TUBA3D: variants seen among roughly 807,000 people sequenced by gnomAD.
TUBA3D encodes tubulin alpha-3D chain.
Under a neutral mutation model 36.1 loss-of-function variants are expected in TUBA3D, and 24 were observed. The observed-to-expected ratio is 0.66, with a 90% CI of 0.48 to 0.93. TUBA3D has a LOEUF of 0.93. TUBA3D is among the 40% of genes least tolerant of loss of function. TUBA3D has a pLI of 0.00. For missense variants in TUBA3D, 356 were observed against 614.5 expected (o/e 0.58, Z 4.45); for synonymous variants, 185 against 247.2 (o/e 0.75, Z 2.36).
chr2:131,480,835 G>A, intron 4 of TUBA3D, 86 bp downstream of exon 4: 2 of 1,537,302 alleles, frequency 1.3e-6, no homozygotes, highest in East Asian at 2.3e-5. Context: ...CCTTTGGGGA[G>A]ATTATCCCTG....
At chr2:131,477,698 G>A (rs1406427803) in intron 1 of TUBA3D, among the ~76,000 whole-genome samples, 3 of 151,252 alleles carry the variant, frequency 2.0e-5, no homozygotes, top group Non-Finnish European at 4.4e-5. Flanking sequence ...AATGATGGAC[G>A]GGGTAGAACT....
In TUBA3D at chr2:131,478,298, C is replaced by T. The variant is rs758952130; in HGVS notation, c.138C>T (p.Asp46=). ...GTGATAAAACCATTGGTGGCGGGGA[C>T]GACTCCTTCAACACGTTCTTCAGTG... ...MPSDKTIGGG[D]DSFNTFFSET... The change falls in exon 2 of 5, where the codon GAC becomes GAT. Residue 46 remains aspartate (D), a synonymous_variant. Coordinates refer to ENST00000321253, the MANE Select transcript of TUBA3D (RefSeq NM_080386.4). 4.3e-6 allele frequency: 7 copies of T among 1,614,028 alleles called. No individual in the cohort carries two copies. The highest frequency in any genetic ancestry group is 1.7e-5 in the Admixed American group (1 of 60,022).
chr2:131,478,227 C>G lies in TUBA3D; in HGVS notation c.67C>G (p.Leu23Val). 6.2e-7 allele frequency: 1 copy of G among 1,614,110 alleles called. No individual in the cohort carries two copies. Among genetic ancestry groups the G allele is most frequent in the Non-Finnish European group, 8.5e-7 (1 of 1,179,946 alleles). Reference sequence around the variant, plus strand: ...CCAGATCGGCAATGCCTGCTGGGAACTGTACTGCCTTGAACATGGAATTCA... The same window carrying G: ...CCAGATCGGCAATGCCTGCTGGGAAGTGTACTGCCTTGAACATGGAATTCA... ...GVQIGNACWE[L>V]YCLEHGIQPD... is the part of the protein sequence containing the mutation. The change falls in exon 2 of 5, where the codon CTG (leucine) becomes GTG (valine). Residue 23 changes from leucine to valine, a missense_variant. Leu to Val is a conservative substitution (Grantham distance 32). This residue lies in a region of TUBA3D where 109 missense variants were observed against 153.7 expected (regional missense o/e 0.71). Coordinates refer to ENST00000321253, the MANE Select transcript of TUBA3D (RefSeq NM_080386.4).
At chr2:131,480,949 G>C (rs951739280) in intron 4 of TUBA3D, among the ~76,000 whole-genome samples, 200 bp downstream of exon 4, 3 of 151,912 alleles carry the variant, frequency 2.0e-5, no homozygotes, top group African/African-American at 4.8e-5. Context: ...TGTCAACCAG[G>C]CTGGAGTGCA....
intron 4 of TUBA3D, among the ~76,000 whole-genome samples, chr2:131,481,521 C>T (rs184271728): frequency 8.6e-5 from 13 of 151,562 alleles, no homozygotes; most frequent in Admixed American, 6.6e-5. Flanking sequence ...CTGCAACCTC[C>T]ACCTCCCGGG....
Position 131,480,372 on chromosome 2 carries a change from C to G in TUBA3D, c.679C>G (p.Leu227Val), listed in dbSNP as rs1401156911. 1 of 1,608,446 alleles carries G rather than the reference C, an allele frequency of 6.2e-7. No individual in the cohort carries two copies. The highest frequency in any genetic ancestry group is 1.4e-5 in the African/African-American group (1 of 70,296). Residue 227 changes from leucine (L) to valine (V), a missense_variant, in exon 4 of 5, where the codon CTC becomes GTC. By Grantham distance (32) the Leu-to-Val change is conservative. Around this residue, in one of 3 missense-constraint regions of TUBA3D, gnomAD observed 91 missense variants for 240.9 expected, o/e 0.38. Transcript: ENST00000321253. Reference protein sequence around the residue: ...LDIERPTYTNLNRLIGQIVSS... With the variant: ...LDIERPTYTNVNRLIGQIVSS... Reference sequence around the variant, plus strand: ...CATTGAACGTCCCACGTACACCAACCTCAATCGCCTGATTGGGCAGATCGT... The same window carrying G: ...CATTGAACGTCCCACGTACACCAACGTCAATCGCCTGATTGGGCAGATCGT...
chr2:131,477,761 C>T (rs1678722841), intron 1 of TUBA3D, among the ~76,000 whole-genome samples: 1 of 151,734 alleles, frequency 6.6e-6, no homozygotes, highest in African/African-American at 2.4e-5. Context: ...CCATGGTGAC[C>T]TGGGACCTAC....
intron 1 of TUBA3D, among the ~76,000 whole-genome samples, chr2:131,477,159 T>A (rs1490190255): frequency 6.6e-6 from 1 of 151,782 alleles, no homozygotes; most frequent in East Asian, 1.9e-4. Context: ...CACCTCAGCC[T>A]TCCGAGTAGC....
intron 4 of TUBA3D, among the ~76,000 whole-genome samples, chr2:131,482,019 CA>C (rs1240516367): frequency 6.6e-6 from 1 of 152,246 alleles, no homozygotes; most frequent in Non-Finnish European, 1.5e-5. Flanking sequence ...CCTACTTAGG[CA>C]GGCACATGGA....
chr2:131,476,129 T>A lies in TUBA3D; in HGVS notation c.-71T>A, dbSNP rs922567915. 3.7e-6 allele frequency: 6 copies of A among 1,612,022 alleles called. No homozygotes were observed. The highest frequency in any genetic ancestry group is 5.1e-6 in the Non-Finnish European group (6 of 1,179,400). ...GCGCGCACAGGCAGGAGGTTGCAGT[T>A]GGGCGCTCAGCAGCTGTGGCAGCCG... is the stretch of plus-strand genomic sequence containing the variant. On this transcript the variant is annotated 5_prime_UTR_variant, in exon 1 of 5. Transcript: ENST00000321253.
At chr2:131,477,958 T>C (rs1559346619) in intron 1 of TUBA3D, among the ~76,000 whole-genome samples, 2 of 152,184 alleles carry the variant, frequency 1.3e-5, no homozygotes, top group Non-Finnish European at 2.9e-5. Context: ...TAGGGCTACC[T>C]CTAGAACTTA....
intron 1 of TUBA3D, among the ~76,000 whole-genome samples, chr2:131,477,374 T>C (rs1678709064): frequency 1.3e-5 from 2 of 152,108 alleles, no homozygotes; most frequent in Admixed American, 1.3e-4. Context: ...CAGTGCAGTG[T>C]CCCAGCACTA....
intron 2 of TUBA3D, 122 bp from the exon 3 acceptor site, chr2:131,479,186 A>G: frequency 6.2e-6 from 9 of 1,447,874 alleles, no homozygotes; most frequent in Non-Finnish European, 7.4e-6. Flanking sequence ...CTGTTGACCT[A>G]TGACATGTAG....
chr2:131,480,278 G>A lies in TUBA3D; in HGVS notation c.585G>A (p.Leu195=), dbSNP rs779820681. The change falls in exon 4 of 5, where the codon CTG becomes CTA. Residue 195 remains leucine (L), a synonymous_variant. Transcript: ENST00000321253. The part of the protein sequence containing the change: ...YNSILTTHTT[L]EHSDCAFMVD... ...CCATCCTGACCACCCACACGACCCT[G>A]GAACATTCTGACTGTGCCTTCATGG... is the stretch of plus-strand genomic sequence containing the variant. 37 of 1,613,812 alleles carry A rather than the reference G, an allele frequency of 2.3e-5. No individual in the cohort carries two copies. In the East Asian group the frequency reaches 8.2e-4, roughly 36 times the overall value.
rs1374970213 is a variant in TUBA3D at position 131,480,823 on chromosome 2, A to G, written c.1056+74A>G. 3.2e-6 allele frequency: 5 copies of G among 1,558,556 alleles called. No individual in the cohort carries two copies. The African/African-American group carries it at 6.8e-5, about 21-fold the overall frequency. On this transcript the variant is annotated intron_variant, in intron 4 of 4. Transcript: ENST00000321253. ...AATAACACTGGCCCTGAAGGCCCACATCCTTTGGGGAGATTATCCCTGTTC... is the reference window on the plus strand; with the variant it reads ...AATAACACTGGCCCTGAAGGCCCACGTCCTTTGGGGAGATTATCCCTGTTC...
intron 4 of TUBA3D, among the ~76,000 whole-genome samples, chr2:131,481,848 G>C (rs1371412470): frequency 6.6e-6 from 1 of 152,150 alleles, no homozygotes; most frequent in African/African-American, 2.4e-5. Flanking sequence ...TCACAGGCTT[G>C]AGCCACCACA....
At chr2:131,476,575 G>A (rs1029557947) in intron 1 of TUBA3D, among the ~76,000 whole-genome samples, 1 of 152,202 alleles carries the variant, frequency 6.6e-6, no homozygotes, top group Non-Finnish European at 1.5e-5. Context: ...GGTTGGGGCT[G>A]TGGACATTGA....
At chr2:131,481,825 C>T (rs1442998010) in intron 4 of TUBA3D, among the ~76,000 whole-genome samples, 1 of 152,228 alleles carries the variant, frequency 6.6e-6, no homozygotes, top group Non-Finnish European at 1.5e-5. Flanking sequence ...ACCTGTCTCC[C>T]AAAGTGCTGG....
chr2:131,482,639 A>C lies in TUBA3D; in HGVS notation c.1144A>C (p.Thr382Pro). ...QRAVCMLSNT[T>P]AIAEAWARLD... ...GGCCGTGTGCATGCTGAGCAACACC[A>C]CGGCCATTGCGGAGGCCTGGGCCCG... The change falls in exon 5 of 5, where the codon ACG (threonine) becomes CCG (proline). Residue 382 changes from threonine to proline, a missense_variant. Physicochemically the swap from Thr to Pro is conservative, Grantham distance 38. Coordinates refer to ENST00000321253, the MANE Select transcript of TUBA3D (RefSeq NM_080386.4). 1 of 1,614,216 alleles carries C rather than the reference A, an allele frequency of 6.2e-7. No homozygotes were observed. Among genetic ancestry groups the C allele is most frequent in the Non-Finnish European group, 8.5e-7 (1 of 1,180,036 alleles).
Sources: allele counts gnomAD v4.1 joint callset (sites outside exome capture counted in the v4.1 genomes callset), GRCh38; gene constraint gnomAD v4.1.1; regional missense constraint gnomAD v4.1.1; transcripts MANE v1.5; gene names NCBI Gene and HGNC (gene_info 2026-07-23, HGNC 2026-07-21).